Variants in AFDN observed in about 807,000 individuals in gnomAD.
AFDN encodes the protein afadin.
A neutral mutation model predicts 216.6 loss-of-function variants in AFDN; 68 were observed. The ratio of observed to expected loss-of-function variants is 0.31; its 90% CI spans 0.26 to 0.38. The LOEUF is 0.38. AFDN is among the 10% of genes least tolerant of loss of function. AFDN has a pLI of 1.00. For missense variants in AFDN, 2,136 were observed against 2,342.0 expected (o/e 0.91, Z 1.82); for synonymous variants, 868 against 853.7 (o/e 1.02, Z -0.29).
Position 167,911,344 on chromosome 6 carries a change from A to C in AFDN, c.1892A>C (p.Lys631Thr). Reference sequence around the variant, plus strand: ...ACTAATAGCTCTACAGTCCACTTTAAGTTGTCCCCTACATATGTATTATAT... The same window carrying C: ...ACTAATAGCTCTACAGTCCACTTTACGTTGTCCCCTACATATGTATTATAT... ...NYTNSSTVHF[K>T]LSPTYVLYMA... Residue 631 changes from lysine to threonine, a missense_variant, in exon 15 of 34, where the codon AAG (lysine) becomes ACG (threonine). Lys to Thr is a moderately conservative substitution (Grantham distance 78). Transcript: ENST00000683244. 6.2e-7 allele frequency: 1 copy of C among 1,614,048 alleles called. No individual in the cohort carries two copies.
intron 30 of AFDN, among the ~76,000 whole-genome samples, chr6:167,954,208 A>G (rs1259932365): frequency 6.6e-6 from 1 of 152,230 alleles, no homozygotes; most frequent in African/African-American, 2.4e-5. Context: ...AAGAAAGCTA[A>G]GGGAAATTTT....
At chr6:167,906,934 A>C (rs894423806) in intron 12 of AFDN, among the ~76,000 whole-genome samples, 4 of 152,248 alleles carry the variant, frequency 2.6e-5, no homozygotes, top group African/African-American at 9.6e-5. Context: ...TTTTAAAGGC[A>C]ACTCCTAGCT....
intron 1 of AFDN, among the ~76,000 whole-genome samples, chr6:167,851,558 C>A (rs1782311160): frequency 6.6e-6 from 1 of 152,174 alleles, no homozygotes; most frequent in Non-Finnish European, 1.5e-5. Flanking sequence ...TCAAGTGCCT[C>A]ATATGTGGCA....
intron 5 of AFDN, among the ~76,000 whole-genome samples, chr6:167,878,409 G>A (rs1237504804): frequency 6.6e-6 from 1 of 152,092 alleles, no homozygotes; most frequent in Non-Finnish European, 1.5e-5. Context: ...GCCTTCTGGT[G>A]TCATGGAAAA....
intron 2 of AFDN, among the ~76,000 whole-genome samples, chr6:167,865,567 C>T (rs889649353): frequency 2.0e-5 from 3 of 152,086 alleles, no homozygotes; most frequent in African/African-American, 7.2e-5. Flanking sequence ...GAGCTAGGAT[C>T]GTGCCACTGC....
chr6:167,962,478 C>A lies in AFDN; in HGVS notation c.4879C>A (p.Arg1627Ser). 1 of 1,613,604 alleles carries A rather than the reference C, an allele frequency of 6.2e-7. No homozygotes were observed. Among genetic ancestry groups the A allele is most frequent in the Non-Finnish European group, 8.5e-7 (1 of 1,179,696 alleles). Residue 1627 changes from arginine (R) to serine (S), a missense_variant, in exon 31 of 34, where the codon CGC becomes AGC. By Grantham distance (110) the Arg-to-Ser change is moderately radical. Around this residue, in one of 8 missense-constraint regions of AFDN, gnomAD observed 981 missense variants for 966.0 expected, o/e 1.02. Coordinates refer to ENST00000683244, the MANE Select transcript of AFDN (RefSeq NM_001386888.1). This position sits in a 1 kb window ranked among gnomAD's most constrained non-coding sequence, Gnocchi z 5.2. ...GCGGCAGCAGCAGTTAGAAGAGATG[C>A]GCAAGCGGGAAGCGGAAGACCGAGC... Reference protein sequence around the residue: ...RRRQQQLEEMRKREAEDRARQ... With the variant: ...RRRQQQLEEMSKREAEDRARQ...
intron 1 of AFDN, among the ~76,000 whole-genome samples, chr6:167,856,501 G>A (rs996178037): frequency 6.6e-5 from 10 of 152,086 alleles, no homozygotes; most frequent in African/African-American, 1.9e-4. Flanking sequence ...CTATTAAATT[G>A]GTAGTTAAGT....
At chr6:167,948,166 G>A (rs980825512) in intron 28 of AFDN, 127 bp from the exon 29 acceptor site, 2 of 871,182 alleles carry the variant, frequency 2.3e-6, no homozygotes, top group Non-Finnish European at 3.4e-6. Context: ...TCTCAGTATG[G>A]ATCAAACACT....
chr6:167,921,340 G>A (rs1184717066), intron 21 of AFDN, among the ~76,000 whole-genome samples: 1 of 152,158 alleles, frequency 6.6e-6, no homozygotes, highest in Non-Finnish European at 1.5e-5. Context: ...CGTGGCCGAG[G>A]CATCACCACA....
At chr6:167,923,957 G>A (rs537120653) in intron 22 of AFDN, among the ~76,000 whole-genome samples, 2 of 152,026 alleles carry the variant, frequency 1.3e-5, no homozygotes, top group Admixed American at 6.6e-5. Flanking sequence ...ACTAACTGCT[G>A]TCTGTTAAGT....
chr6:167,882,945 A>C (rs1240666368), intron 6 of AFDN, among the ~76,000 whole-genome samples: 1 of 152,124 alleles, frequency 6.6e-6, no homozygotes, highest in Non-Finnish European at 1.5e-5. Context: ...CATGCCGTGT[A>C]CTTTCAAATG....
At chr6:167,932,476 T>C (rs1793433774) in intron 23 of AFDN, 1 of 152,236 alleles carries the variant, frequency 6.6e-6, no homozygotes, top group African/African-American at 2.4e-5. Context: ...TCCTTTTTAT[T>C]TTTCTAAGTC....
At chr6:167,867,997 A>T (rs2128238848) in intron 2 of AFDN, among the ~76,000 whole-genome samples, 1 of 152,124 alleles carries the variant, frequency 6.6e-6, no homozygotes, top group South Asian at 2.1e-4. Flanking sequence ...CTGTAGTAAG[A>T]CCCTTGTGCC....
chr6:167,951,101 C>G lies in AFDN; in HGVS notation c.3832-85C>G. The G allele has an allele frequency of 1.4e-6, 2 of 1,456,360 alleles. No homozygotes were observed. 90.2% of individuals were successfully genotyped at this position (1,456,360 alleles called of 1,614,324 possible). ...TCTGTACACTGATTTAACAGTTTTT[C>G]TTCTGTCTGAAGATAAAATGTTTGT... On this transcript the variant is annotated intron_variant, in intron 29 of 33. Coordinates refer to ENST00000683244, the MANE Select transcript of AFDN (RefSeq NM_001386888.1). The surrounding 1 kb of genome is among the most constrained non-coding windows in gnomAD (Gnocchi z 7.1).
rs1390385874 is a variant in AFDN at position 167,902,265 on chromosome 6, C to T, written c.1581-52C>T. On this transcript the variant is annotated intron_variant, in intron 11 of 33. Coordinates refer to ENST00000683244, the MANE Select transcript of AFDN (RefSeq NM_001386888.1). ...CCTTGTGTATTAAGAAGAGACTATGCCTGTCATTGGAATGTTATTAAGTCA... is the reference window on the plus strand; with the variant it reads ...CCTTGTGTATTAAGAAGAGACTATGTCTGTCATTGGAATGTTATTAAGTCA... 3 of 1,293,654 alleles carry T rather than the reference C, an allele frequency of 2.3e-6. No individual in the cohort carries two copies. The Admixed American group carries it at 5.1e-5, about 22-fold the overall frequency. 80.1% of individuals were successfully genotyped at this position (1,293,654 alleles called of 1,614,324 possible).
chr6:167,968,541 G>GT (rs1414085806), intron 32 of AFDN: 1 of 152,638 alleles, frequency 6.6e-6, no homozygotes, highest in East Asian at 1.9e-4. Context: ...TTGCTAAATA[G>GT]TTTGAGCATT....
chr6:167,960,705 G>A (rs1047680372), intron 30 of AFDN, among the ~76,000 whole-genome samples: 2 of 152,098 alleles, frequency 1.3e-5, no homozygotes, highest in African/African-American at 2.4e-5. Context: ...CTTGCTGAAC[G>A]TTTCCATCCT....
intron 29 of AFDN, among the ~76,000 whole-genome samples, chr6:167,949,970 C>T (rs764832957): frequency 7.9e-5 from 12 of 152,094 alleles, no homozygotes; most frequent in Non-Finnish European, 1.8e-4. Context: ...AGCCAGCAGC[C>T]GGGGCCAGTG....
intron 22 of AFDN, among the ~76,000 whole-genome samples, chr6:167,923,894 G>A (rs1792152985): frequency 6.6e-6 from 1 of 151,700 alleles, no homozygotes; most frequent in Non-Finnish European, 1.5e-5. Context: ...CAAAGTGCTG[G>A]GATTACAGGC....
Sources: allele counts gnomAD v4.1 joint callset (sites outside exome capture counted in the v4.1 genomes callset), GRCh38; gene constraint gnomAD v4.1.1; regional missense constraint gnomAD v4.1.1; non-coding constraint Gnocchi (gnomAD v3.1); transcripts MANE v1.5; gene names NCBI Gene and HGNC (gene_info 2026-07-23, HGNC 2026-07-21).